The following MSL2 variants were observed in gnomAD, a reference collection of about 807,000 sequenced individuals.
MSL2 encodes E3 ubiquitin-protein ligase MSL2.
Under a neutral mutation model 35.8 loss-of-function variants are expected in MSL2, and 2 were observed. The observed-to-expected ratio is 0.06, with a 90% CI of 0.02 to 0.18. The LOEUF (loss-of-function observed/expected upper bound fraction) is 0.18, where lower values mean the gene tolerates loss of function less well. MSL2 is among the 10% of genes least tolerant of loss of function. The pLI, the probability that MSL2 is intolerant of heterozygous loss-of-function variation, is 1.00. For synonymous variants in MSL2, 296 were observed against 255.7 expected, an observed-to-expected ratio of 1.16 and a Z score of -1.50; for missense variants, 523 against 706.7, an observed-to-expected ratio of 0.74 and a Z score of 2.95.
intron 1 of MSL2, among the ~76,000 whole-genome samples, chr3:136,177,368 C>T (rs915455381): frequency 6.6e-6 from 1 of 152,014 alleles, no homozygotes; most frequent in African/African-American, 2.4e-5. Flanking sequence ...GCAGATGTGC[C>T]TTAGTCACTA....
At chr3:136,152,934 T>C in intron 1 of MSL2, 196 bp from the exon 2 acceptor site, 1 of 985,410 alleles carries the variant, frequency 1.0e-6, no homozygotes, top group Non-Finnish European at 1.2e-6. Context: ...ATATTCCCCA[T>C]TCAGTTATCT....
chr3:136,172,885 C>T (rs377496883), intron 1 of MSL2, among the ~76,000 whole-genome samples: 2 of 152,242 alleles, frequency 1.3e-5, no homozygotes, highest in South Asian at 2.1e-4. Flanking sequence ...CCTACGGGGC[C>T]GGGCACAGTG....
At chr3:136,155,836 ATGC>A in intron 1 of MSL2, 1 of 577,798 alleles carries the variant, frequency 1.7e-6, no homozygotes, top group Non-Finnish European at 3.5e-6. Context: ...CTATGTGTAA[ATGC>A]TGGCATGGCC....
intron 1 of MSL2, among the ~76,000 whole-genome samples, chr3:136,157,804 G>C (rs1939575940): frequency 6.6e-6 from 1 of 152,134 alleles, no homozygotes; most frequent in African/African-American, 2.4e-5. Flanking sequence ...TGGAGAAAAA[G>C]TTTTAAAACT....
intron 1 of MSL2, among the ~76,000 whole-genome samples, chr3:136,162,942 G>A (rs1390573771): frequency 6.7e-6 from 1 of 150,254 alleles, no homozygotes; most frequent in Non-Finnish European, 1.5e-5. Flanking sequence ...GGGATAAAAA[G>A]TCAATGTTAA....
At chr3:136,193,345 G>C (rs1001092448) in intron 1 of MSL2, among the ~76,000 whole-genome samples, 1 of 152,012 alleles carries the variant, frequency 6.6e-6, no homozygotes, top group African/African-American at 2.4e-5. Flanking sequence ...AGAGAGCTAA[G>C]TTTCACCCAT....
At chr3:136,162,565 G>C (rs1179454876) in intron 1 of MSL2, among the ~76,000 whole-genome samples, 1 of 152,132 alleles carries the variant, frequency 6.6e-6, no homozygotes, top group Non-Finnish European at 1.5e-5. Context: ...GGGCAACAGA[G>C]CCTGCACCTG....
At chr3:136,160,296 AAAG>A (rs1939665135) in intron 1 of MSL2, among the ~76,000 whole-genome samples, 1 of 125,168 alleles carries the variant, frequency 8.0e-6, no homozygotes, top group Non-Finnish European at 1.7e-5. Flanking sequence ...AAAAAAAAAA[AAAG>A]AGGGAAGGAA....
At chr3:136,187,091 G>A (rs1345881456) in intron 1 of MSL2, among the ~76,000 whole-genome samples, 1 of 152,054 alleles carries the variant, frequency 6.6e-6, no homozygotes, top group Admixed American at 6.6e-5. Flanking sequence ...CCACAGATAC[G>A]GAGGATTAGC....
In MSL2 at chr3:136,181,780, G is replaced by A. The variant is rs556784684; in HGVS notation, c.142+13192C>T. 6.4e-4 allele frequency among the ~76,000 whole-genome samples: 98 copies of A among 151,986 alleles called. 1 individual carries two copies. In the South Asian group the frequency reaches 8.5e-3, roughly 13 times the overall value. On this transcript the variant is annotated intron_variant, in intron 1 of 1. Transcript: ENST00000309993. ...CTAAAAATACAAAAACTAGCCGGGC[G>A]TGGTGGTAGACGCCTGTAATCCCAG...
chr3:136,160,511 A>G (rs1348068590), intron 1 of MSL2, among the ~76,000 whole-genome samples: 3 of 151,818 alleles, frequency 2.0e-5, no homozygotes, highest in Non-Finnish European at 4.4e-5. Context: ...GGAGTTCGAG[A>G]CCAGCCTGGC....
chr3:136,191,753 A>C (rs1330671290), intron 1 of MSL2, among the ~76,000 whole-genome samples: 2 of 152,236 alleles, frequency 1.3e-5, no homozygotes, highest in African/African-American at 4.8e-5. Context: ...AACCTGAGCA[A>C]CATAGCAAGA....
At chr3:136,180,193 T>C (rs1940300904) in intron 1 of MSL2, among the ~76,000 whole-genome samples, 1 of 152,208 alleles carries the variant, frequency 6.6e-6, no homozygotes, top group African/African-American at 2.4e-5. Flanking sequence ...ATATTTGGAC[T>C]TCTTATGTTT....
intron 1 of MSL2, chr3:136,156,132 T>G: frequency 5.5e-6 from 1 of 181,890 alleles, no homozygotes. Flanking sequence ...TACATGTAAT[T>G]CTACCAAGGT....
chr3:136,178,218 T>G (rs184631210), intron 1 of MSL2, among the ~76,000 whole-genome samples: 1 of 152,302 alleles, frequency 6.6e-6, no homozygotes, highest in East Asian at 1.9e-4. Context: ...ATGTTTGTGG[T>G]TACAGAGCAC....
intron 1 of MSL2, among the ~76,000 whole-genome samples, chr3:136,154,891 T>G (rs892117984): frequency 2.0e-5 from 3 of 151,894 alleles, no homozygotes; most frequent in Admixed American, 6.6e-5. Context: ...ACCCTGTCTC[T>G]AAAAAAAATT....
At chr3:136,155,672 CA>C in intron 1 of MSL2, 1 of 487,592 alleles carries the variant, frequency 2.1e-6, no homozygotes. Context: ...ACGAGCTAAA[CA>C]AAACCTGCTG....
intron 1 of MSL2, among the ~76,000 whole-genome samples, chr3:136,161,097 G>C (rs1421913954): frequency 6.6e-6 from 1 of 152,024 alleles, no homozygotes; most frequent in African/African-American, 2.4e-5. Flanking sequence ...AAAAAATAAA[G>C]TAAAATGAAT....
chr3:136,159,844 G>T (rs1939650489), intron 1 of MSL2, among the ~76,000 whole-genome samples: 1 of 152,006 alleles, frequency 6.6e-6, no homozygotes, highest in East Asian at 1.9e-4. Flanking sequence ...GAAAATCTTT[G>T]TAACTTTCTA....
Sources: gnomAD v4.1 joint callset for allele counts (sites outside exome capture counted in the v4.1 genomes callset) on GRCh38, gnomAD v4.1.1 for gene constraint, MANE v1.5 for transcripts, NCBI Gene and HGNC (gene_info 2026-07-23, HGNC 2026-07-21) for gene names.